The following NCOA1 variants were observed in gnomAD, a reference collection of about 807,000 sequenced individuals.
The protein encoded by NCOA1 is Hin-2 protein.
NCOA1 carries 35 observed loss-of-function variants against 150.9 expected under a neutral mutation model. The observed-to-expected ratio is 0.23, with a 90% CI of 0.18 to 0.31. The LOEUF (loss-of-function observed/expected upper bound fraction) is 0.31. Ranked by LOEUF, NCOA1 falls within the 10% of genes least tolerant of loss-of-function variation. The probability of loss-of-function intolerance (pLI) is 1.00; values close to 1 mark genes in which losing one functional copy is unlikely to be tolerated. For synonymous variants in NCOA1, 590 were observed against 630.0 expected, an observed-to-expected ratio of 0.94 and a Z score of 0.95; for missense variants, 1,491 against 1,749.3, an observed-to-expected ratio of 0.85 and a Z score of 2.63.
At chr2:24,713,937 G>C (rs1265825986) in intron 14 of NCOA1, among the ~76,000 whole-genome samples, 3 of 152,150 alleles carry the variant, frequency 2.0e-5, no homozygotes, top group African/African-American at 4.8e-5. Context: ...ATCCTTGGCT[G>C]AATACTACAC....
intron 1 of NCOA1, among the ~76,000 whole-genome samples, chr2:24,504,632 A>G (rs1215184119): frequency 1.3e-5 from 2 of 152,238 alleles, no homozygotes; most frequent in African/African-American, 4.8e-5. Context: ...ACTGAATGGT[A>G]GCCTTTGGGA....
intron 4 of NCOA1, among the ~76,000 whole-genome samples, chr2:24,649,548 G>T (rs1310722601): frequency 6.6e-6 from 1 of 152,116 alleles, no homozygotes; most frequent in East Asian, 1.9e-4. Flanking sequence ...TTGCTAATTT[G>T]TTCTAATAAG....
Position 24,553,230 on chromosome 2 carries a change from T to G in NCOA1, c.-395-11065T>G, listed in dbSNP as rs945058709. On this transcript the variant is annotated intron_variant, in intron 1 of 22. Coordinates refer to ENST00000348332, the MANE Select transcript of NCOA1 (RefSeq NM_003743.5). ...GAAGTTTTTCAAATGCCTTCTTTTT[T>G]TTTTTTTGAGGCAGGGTCTCACTCT... Among the ~76,000 whole-genome samples, 3 of 152,104 alleles carry G rather than the reference T, an allele frequency of 2.0e-5. No individual in the cohort carries two copies. The East Asian group carries it at 5.8e-4, about 29-fold the overall frequency.
intron 15 of NCOA1, 55 bp downstream of exon 15, chr2:24,726,761 G>A: frequency 9.2e-7 from 1 of 1,084,026 alleles, no homozygotes; most frequent in Non-Finnish European, 1.3e-6. Context: ...TCTAAACAGA[G>A]AACTATTTTT....
At chr2:24,755,920 C>A (rs1227226551) in intron 20 of NCOA1, among the ~76,000 whole-genome samples, 1 of 151,930 alleles carries the variant, frequency 6.6e-6, no homozygotes, top group Admixed American at 6.6e-5. Context: ...CTGTCTTAGG[C>A]AGAAATGTTC....
intron 12 of NCOA1, among the ~76,000 whole-genome samples, chr2:24,706,009 A>G (rs908769138): frequency 1.3e-5 from 2 of 151,428 alleles, no homozygotes; most frequent in East Asian, 1.9e-4. Context: ...TTTTTTTCAT[A>G]TTGTGATTTC....
chr2:24,683,777 A>G (rs1246335707), intron 8 of NCOA1, among the ~76,000 whole-genome samples: 1 of 152,150 alleles, frequency 6.6e-6, no homozygotes, highest in African/African-American at 2.4e-5. Flanking sequence ...TCAGTGCTCA[A>G]GTTCTAGTTA....
chr2:24,570,424 A>G (rs2148278901), intron 2 of NCOA1, among the ~76,000 whole-genome samples: 1 of 152,348 alleles, frequency 6.6e-6, no homozygotes, highest in South Asian at 2.1e-4. Context: ...AATGAATCAT[A>G]TCAAATATAT....
chr2:24,708,614 T>C (rs993157495), intron 13 of NCOA1, among the ~76,000 whole-genome samples: 4 of 152,154 alleles, frequency 2.6e-5, no homozygotes, highest in Non-Finnish European at 4.4e-5. Flanking sequence ...ATATGGCCCT[T>C]CCTAGGAGCT....
In NCOA1 at chr2:24,499,152, CCTA is replaced by C. The variant is rs1238495531; in HGVS notation, c.-396+7554_-396+7556del. Reference sequence around the variant, plus strand: ...ATTAACATATTCATTTTAATAATTCCCTACTATTTTGAAGTCTACATTTTGATG... The same window carrying C: ...ATTAACATATTCATTTTAATAATTCCCTATTTTGAAGTCTACATTTTGATG... On this transcript the variant is annotated intron_variant, in intron 1 of 22. Coordinates refer to ENST00000348332, the MANE Select transcript of NCOA1 (RefSeq NM_003743.5). 3.9e-5 allele frequency among the ~76,000 whole-genome samples: 6 copies of C among 152,000 alleles called. No individual in the cohort carries two copies. In the South Asian group the frequency reaches 8.3e-4, roughly 21 times the overall value.
At chr2:24,530,150 C>T (rs993803974) in intron 1 of NCOA1, among the ~76,000 whole-genome samples, 28 of 152,258 alleles carry the variant, frequency 1.8e-4, no homozygotes, top group African/African-American at 6.3e-4. Flanking sequence ...TTTTAGCTGT[C>T]GGTGAGCAGA....
chr2:24,737,544 C>G (rs973169994), intron 17 of NCOA1, among the ~76,000 whole-genome samples: 3 of 152,120 alleles, frequency 2.0e-5, no homozygotes, highest in African/African-American at 7.2e-5. Flanking sequence ...GTATTTTTAC[C>G]TGGCCTCATT....
chr2:24,628,037 C>T (rs889133828), intron 3 of NCOA1, among the ~76,000 whole-genome samples: 3 of 152,154 alleles, frequency 2.0e-5, no homozygotes, highest in Non-Finnish European at 2.9e-5. Flanking sequence ...CGGTGGCTCA[C>T]GCCTGTAATC....
At chr2:24,513,377 A>G (rs1345719558) in intron 1 of NCOA1, among the ~76,000 whole-genome samples, 1 of 152,202 alleles carries the variant, frequency 6.6e-6, no homozygotes, top group African/African-American at 2.4e-5. Flanking sequence ...ACTATACTGC[A>G]ATATGCTCTT....
At chr2:24,758,872 C>T (rs1305258928) in intron 21 of NCOA1, among the ~76,000 whole-genome samples, 1 of 151,864 alleles carries the variant, frequency 6.6e-6, no homozygotes, top group Non-Finnish European at 1.5e-5. Context: ...CCTGTAATCC[C>T]AGCTCCTTGG....
rs1446153945 is a variant in NCOA1, at chr2:24,615,981, G to A, written c.-174-27985G>A. On this transcript the variant is annotated intron_variant, in intron 3 of 22. Coordinates refer to ENST00000348332, the MANE Select transcript of NCOA1 (RefSeq NM_003743.5). ...TAAGGACAGTGTTAGAATATTAAGAGCCTACTTTTAGGTTCAGTTTTTACT... is the reference window on the plus strand; with the variant it reads ...TAAGGACAGTGTTAGAATATTAAGAACCTACTTTTAGGTTCAGTTTTTACT... Among the ~76,000 whole-genome samples the A allele has an allele frequency of 5.3e-5, 8 of 152,228 alleles. 1 individual carries two copies. The East Asian group carries it at 1.5e-3, about 29-fold the overall frequency.
intron 1 of NCOA1, among the ~76,000 whole-genome samples, chr2:24,516,966 G>GTATA (rs761011452): frequency 3.6e-5 from 3 of 84,488 alleles, no homozygotes; most frequent in Admixed American, 1.4e-4. Flanking sequence ...GTATATATAC[G>GTATA]TATATATACA....
intron 1 of NCOA1, among the ~76,000 whole-genome samples, chr2:24,545,703 G>T (rs891943759): frequency 2.6e-5 from 4 of 152,242 alleles, no homozygotes; most frequent in Admixed American, 6.5e-5. Context: ...GGAACAGTTT[G>T]TGGGGAGAGG....
chr2:24,607,546 C>T (rs187801284), intron 3 of NCOA1, among the ~76,000 whole-genome samples: 437 of 151,912 alleles, frequency 2.9e-3, no homozygotes, highest in Non-Finnish European at 4.8e-3. Flanking sequence ...AAAATTTAGC[C>T]GGGTGTAGTG....
Sources: gnomAD v4.1 joint callset for allele counts (sites outside exome capture counted in the v4.1 genomes callset) on GRCh38, gnomAD v4.1.1 for gene constraint, MANE v1.5 for transcripts, NCBI Gene and HGNC (gene_info 2026-07-23, HGNC 2026-07-21) for gene names.